Variants in NREP observed in about 807,000 individuals in gnomAD.
The protein encoded by NREP is neuronal regeneration related protein.
Under a neutral mutation model 8.6 loss-of-function variants are expected in NREP, and 5 were observed. The observed-to-expected ratio is 0.58, with a 90% CI of 0.30 to 1.22. The LOEUF (loss-of-function observed/expected upper bound fraction) is 1.22. NREP is among the 50% of genes most tolerant of loss of function. The pLI, the probability that NREP is intolerant of heterozygous loss-of-function variation, is 0.07. For synonymous variants in NREP, 27 were observed against 28.0 expected (o/e 0.96, Z 0.11); for missense variants, 86 against 82.5 (o/e 1.04, Z -0.17).
rs145242284 is a variant in NREP at position 111,956,844 on chromosome 5, A to G, written c.135+18430T>C. On this transcript the variant is annotated intron_variant, in intron 2 of 3. Transcript: ENST00000395634. ...CCAGGCGTGGTGGTGTATGCCTGTA[A>G]TCCCAGCTACTTGGGAGGCTGAGGC... 1.1e-4 allele frequency among the ~76,000 whole-genome samples: 17 copies of G among 152,024 alleles called. No individual in the cohort carries two copies. The East Asian group carries it at 3.1e-3, about 28-fold the overall frequency.
chr5:111,778,524 A>T (rs1005600194), intron 2 of NREP, among the ~76,000 whole-genome samples: 8 of 152,084 alleles, frequency 5.3e-5, no homozygotes, highest in African/African-American at 1.9e-4. Flanking sequence ...TCCTTATATA[A>T]AGAGTTATAC....
chr5:111,902,399 G>C (rs1200103589), intron 2 of NREP, among the ~76,000 whole-genome samples: 1 of 152,130 alleles, frequency 6.6e-6, no homozygotes, highest in Non-Finnish European at 1.5e-5. Flanking sequence ...AACAAGATCA[G>C]AACTTTCAAT....
At position 111,811,575 on chromosome 5, in the gene NREP, G is replaced by A. The variant is rs562669775; in HGVS notation, c.136-76068C>T. 2.6e-5 allele frequency among the ~76,000 whole-genome samples: 4 copies of A among 152,262 alleles called. No individual in the cohort carries two copies. The South Asian group carries it at 8.3e-4, about 32-fold the overall frequency. On this transcript the variant is annotated intron_variant, in intron 2 of 3. Transcript: ENST00000395634. ...CCTTCTGTTCAGTCTCTGAAGCTGG[G>A]ACATATCAAAGCACAAACTCATCAA...
chr5:111,855,682 T>A (rs1470195504), intron 2 of NREP, among the ~76,000 whole-genome samples: 2 of 152,126 alleles, frequency 1.3e-5, no homozygotes, highest in Non-Finnish European at 2.9e-5. Flanking sequence ...TTTGAGGATG[T>A]TCTTGGAAGG....
intron 2 of NREP, among the ~76,000 whole-genome samples, chr5:111,973,880 T>C (rs565790716): frequency 4.4e-4 from 67 of 152,376 alleles, no homozygotes; most frequent in African/African-American, 1.5e-3. Context: ...CCAAGTTACC[T>C]GGTTTAATGC....
At chr5:111,858,144 G>A (rs1753466236) in intron 2 of NREP, among the ~76,000 whole-genome samples, 1 of 152,068 alleles carries the variant, frequency 6.6e-6, no homozygotes, top group South Asian at 2.1e-4. Context: ...TCATTTTTAT[G>A]TATTACACCA....
chr5:111,752,541 A>C (rs1750428206), intron 2 of NREP, among the ~76,000 whole-genome samples: 1 of 152,190 alleles, frequency 6.6e-6, no homozygotes, highest in South Asian at 2.1e-4. Context: ...CTTTTTCTTT[A>C]AACAAGGAAA....
intron 2 of NREP, among the ~76,000 whole-genome samples, chr5:111,823,978 T>A (rs1752565889): frequency 6.6e-6 from 1 of 152,216 alleles, no homozygotes; most frequent in Non-Finnish European, 1.5e-5. Context: ...CAGATAAATA[T>A]CTACTTTAAT....
intron 2 of NREP, among the ~76,000 whole-genome samples, chr5:111,794,777 A>G (rs1566385): frequency 0.044 from 6,732 of 152,226 alleles, 191 homozygotes; most frequent in Middle Eastern, 0.099. Context: ...ACATTTGTCT[A>G]TATCCGTAGA....
intron 2 of NREP, among the ~76,000 whole-genome samples, chr5:111,842,850 T>C (rs1753064371): frequency 6.6e-6 from 1 of 152,192 alleles, no homozygotes; most frequent in African/African-American, 2.4e-5. Flanking sequence ...GGGTGAGATA[T>C]TCCTGATTGA....
At chr5:111,863,024 G>A (rs1289223403) in intron 2 of NREP, among the ~76,000 whole-genome samples, 1 of 151,380 alleles carries the variant, frequency 6.6e-6, no homozygotes, top group Non-Finnish European at 1.5e-5. Flanking sequence ...ATTAGGGAAT[G>A]GTATGATCTG....
intron 2 of NREP, among the ~76,000 whole-genome samples, chr5:111,917,422 G>A (rs1239817300): frequency 6.6e-6 from 1 of 151,976 alleles, no homozygotes; most frequent in Non-Finnish European, 1.5e-5. Flanking sequence ...AAAATTTCAG[G>A]CCAATATCCC....
Position 111,827,766 on chromosome 5 carries a change from C to T in NREP, c.136-92259G>A, listed in dbSNP as rs574843074. Among the ~76,000 whole-genome samples the T allele has an allele frequency of 1.4e-4, 21 of 152,082 alleles. No homozygotes were observed. In the South Asian group the frequency reaches 4.0e-3, roughly 29 times the overall value. ...GCTGAGGCAGAAGAATTGCTTGAAC[C>T]TGGAAGTTGGAGGTTGAAGTGAGTC... On this transcript the variant is annotated intron_variant, in intron 2 of 3. Coordinates refer to the NREP transcript ENST00000395634.
chr5:111,919,711 G>A (rs754256198), intron 2 of NREP, among the ~76,000 whole-genome samples: 9 of 152,078 alleles, frequency 5.9e-5, no homozygotes, highest in East Asian at 3.9e-4. Context: ...ATCACACACC[G>A]GGGCCTGTCA....
At chr5:111,914,890 T>C (rs1410747804) in intron 2 of NREP, among the ~76,000 whole-genome samples, 1 of 152,154 alleles carries the variant, frequency 6.6e-6, no homozygotes, top group Non-Finnish European at 1.5e-5. Context: ...CAAGAGTGCT[T>C]TCAGGAAGAG....
chr5:111,921,126 C>T (rs1755227149), intron 2 of NREP, among the ~76,000 whole-genome samples: 1 of 152,112 alleles, frequency 6.6e-6, no homozygotes. Flanking sequence ...TAACTATCTG[C>T]CTAGTTGATC....
intron 2 of NREP, among the ~76,000 whole-genome samples, chr5:111,822,226 C>A (rs1410820722): frequency 1.3e-5 from 2 of 152,040 alleles, no homozygotes; most frequent in African/African-American, 4.8e-5. Context: ...ACTTGAAAGT[C>A]CAAGGTCCTG....
intron 3 of NREP, chr5:111,733,338 GGT>G (rs961417008): frequency 3.9e-5 from 6 of 152,190 alleles, no homozygotes; most frequent in African/African-American, 1.2e-4. Flanking sequence ...CCCACAGGGA[GGT>G]GTGCTACTGA....
intron 2 of NREP, among the ~76,000 whole-genome samples, chr5:111,778,450 ACTT>A (rs1359084399): frequency 2.0e-5 from 3 of 152,152 alleles, no homozygotes; most frequent in African/African-American, 7.2e-5. Context: ...TGTGGGGCCT[ACTT>A]CTTGTCCTCT....
Sources: gnomAD v4.1 joint callset for allele counts (sites outside exome capture counted in the v4.1 genomes callset) on GRCh38, gnomAD v4.1.1 for gene constraint, MANE v1.5 for transcripts, NCBI Gene and HGNC (gene_info 2026-07-23, HGNC 2026-07-21) for gene names.